The following C10orf90 variants were observed in gnomAD, a reference collection of about 807,000 sequenced individuals.
The protein encoded by C10orf90 is (E2-independent) E3 ubiquitin-conjugating enzyme FATS.
A neutral mutation model predicts 62.5 loss-of-function variants in C10orf90; 56 were observed. That is an observed-to-expected ratio of 0.90 (90% CI 0.72 to 1.12). The LOEUF is 1.12. Ranked by LOEUF, C10orf90 falls within the 50% of genes most tolerant of loss-of-function variation. C10orf90 has a pLI of 0.00. For synonymous variants in C10orf90, 386 were observed against 340.4 expected (o/e 1.13, Z -1.47); for missense variants, 970 against 880.4 (o/e 1.10, Z -1.29).
chr10:126,622,506 G>A (rs189058799), intron 2 of C10orf90, among the ~76,000 whole-genome samples: 18 of 152,314 alleles, frequency 1.2e-4, no homozygotes, highest in Non-Finnish European at 1.0e-4. Context: ...TCCCTGGAAG[G>A]AGGAGGTACC....
At chr10:126,554,030 T>C (rs1368404669) in intron 2 of C10orf90, among the ~76,000 whole-genome samples, 1 of 151,920 alleles carries the variant, frequency 6.6e-6, no homozygotes, top group African/African-American at 2.4e-5. Flanking sequence ...GCAAGAGAAA[T>C]GGATTAACAT....
chr10:126,464,667 T>G (rs1160839786), intron 5 of C10orf90, 29 bp downstream of exon 5: 1 of 1,580,488 alleles, frequency 6.3e-7, no homozygotes, highest in Admixed American at 1.8e-5. Context: ...CAAGACCAAA[T>G]GATGTCACCC....
intron 2 of C10orf90, among the ~76,000 whole-genome samples, chr10:126,586,154 A>G (rs2134022365): frequency 6.6e-6 from 1 of 152,372 alleles, no homozygotes; most frequent in East Asian, 1.9e-4. Context: ...AGCCTTAATT[A>G]TTCAGGGACA....
At chr10:126,517,971 A>G (rs943841898) in intron 2 of C10orf90, among the ~76,000 whole-genome samples, 1 of 151,038 alleles carries the variant, frequency 6.6e-6, no homozygotes. Context: ...TATGCTCCAG[A>G]GCAAAAACCA....
chr10:126,628,748 G>C (rs1289931483), intron 2 of C10orf90, among the ~76,000 whole-genome samples: 3 of 152,166 alleles, frequency 2.0e-5, no homozygotes, highest in Non-Finnish European at 4.4e-5. Flanking sequence ...CCACTCACTT[G>C]CCTGCCTGTC....
chr10:126,503,813 T>C (rs1862538457), intron 4 of C10orf90, 144 bp downstream of exon 4: 1 of 1,003,934 alleles, frequency 1.0e-6, no homozygotes, highest in African/African-American at 1.6e-5. Context: ...GAGCTATCAG[T>C]TGTCAACTAT....
At chr10:126,537,092 C>T (rs1019164721) in intron 2 of C10orf90, among the ~76,000 whole-genome samples, 1 of 152,166 alleles carries the variant, frequency 6.6e-6, no homozygotes, top group African/African-American at 2.4e-5. Context: ...ATAAACTTTG[C>T]AGTCCACAGA....
intron 2 of C10orf90, among the ~76,000 whole-genome samples, chr10:126,571,535 G>A (rs1287623568): frequency 1.3e-5 from 2 of 152,142 alleles, no homozygotes; most frequent in Admixed American, 6.5e-5. Flanking sequence ...GGGAGGAGGC[G>A]GCACATGAAT....
At chr10:126,451,049 T>G (rs1452924943) in intron 7 of C10orf90, among the ~76,000 whole-genome samples, 1 of 151,700 alleles carries the variant, frequency 6.6e-6, no homozygotes, top group Non-Finnish European at 1.5e-5. Context: ...GAGTAGAGAT[T>G]TCTAAAAAAA....
chr10:126,612,894 A>G (rs2133804854), intron 2 of C10orf90, among the ~76,000 whole-genome samples: 1 of 152,312 alleles, frequency 6.6e-6, no homozygotes, highest in East Asian at 1.9e-4. Context: ...GCCTGTTAGA[A>G]ATGTTATGCA....
chr10:126,532,182 C>G (rs1056972216), intron 2 of C10orf90, among the ~76,000 whole-genome samples: 2 of 152,200 alleles, frequency 1.3e-5, no homozygotes, highest in African/African-American at 4.8e-5. Flanking sequence ...TTTCTTCCAT[C>G]TCATTGCATC....
At chr10:126,459,712 G>T (rs907735744) in intron 6 of C10orf90, among the ~76,000 whole-genome samples, 1 of 152,166 alleles carries the variant, frequency 6.6e-6, no homozygotes, top group Admixed American at 6.5e-5. Context: ...CCACAACTGC[G>T]GCTGAAGGAA....
chr10:126,471,311 C>T (rs910840261), intron 4 of C10orf90, among the ~76,000 whole-genome samples: 5 of 152,178 alleles, frequency 3.3e-5, no homozygotes, highest in Non-Finnish European at 5.9e-5. Flanking sequence ...GGCCTTTCCT[C>T]GCCAGAAAAC....
chr10:126,482,238 ACT>A (rs1214016233), intron 4 of C10orf90, among the ~76,000 whole-genome samples: 1 of 151,952 alleles, frequency 6.6e-6, no homozygotes, highest in Non-Finnish European at 1.5e-5. Context: ...ATCAGTCCTG[ACT>A]CTTATGAGGG....
intron 7 of C10orf90, among the ~76,000 whole-genome samples, chr10:126,451,582 G>C (rs983782065): frequency 6.6e-6 from 1 of 151,296 alleles, no homozygotes; most frequent in Non-Finnish European, 1.5e-5. Context: ...CCTATTGATT[G>C]GTCTATTGAT....
intron 2 of C10orf90, among the ~76,000 whole-genome samples, chr10:126,642,296 G>C (rs1403809174): frequency 6.6e-6 from 1 of 152,108 alleles, no homozygotes; most frequent in Non-Finnish European, 1.5e-5. Flanking sequence ...ACTTTGGGAG[G>C]CCAAGGTGGG....
rs1564871797 is a variant in C10orf90 at position 126,560,979 on chromosome 10, C to T, written c.314-47040G>A. Among the ~76,000 whole-genome samples the T allele has an allele frequency of 2.6e-5, 4 of 152,312 alleles. 1 individual carries two copies. Among genetic ancestry groups the T allele is most frequent in the East Asian group, 1.9e-4 (1 of 5,186 alleles). On this transcript the variant is annotated intron_variant, in intron 2 of 9. Transcript: ENST00000488181. ...GATCTTCTAGGACAGTATCTATTCA[C>T]CCTACAAAGCCTATGTTGGGAGTAC... is the stretch of plus-strand genomic sequence containing the variant.
intron 2 of C10orf90, among the ~76,000 whole-genome samples, chr10:126,631,730 G>A (rs963080029): frequency 1.3e-5 from 2 of 151,804 alleles, no homozygotes; most frequent in East Asian, 3.9e-4. Flanking sequence ...AACACCCAGG[G>A]CAGGGACTTG....
At chr10:126,513,768 C>T (rs1435428618) in intron 3 of C10orf90, 80 bp downstream of exon 3, 2 of 849,320 alleles carry the variant, frequency 2.4e-6, no homozygotes, top group South Asian at 1.5e-5. Context: ...AATGCAATCA[C>T]ATCACAAGTA....
Sources: allele counts gnomAD v4.1 joint callset (sites outside exome capture counted in the v4.1 genomes callset), GRCh38; gene constraint gnomAD v4.1.1; transcripts MANE v1.5; gene names NCBI Gene and HGNC (gene_info 2026-07-23, HGNC 2026-07-21).